The following SEMA5A variants were observed in gnomAD, a reference collection of about 807,000 sequenced individuals.
SEMA5A encodes the protein semaphorin-5A.
SEMA5A carries 55 observed loss-of-function variants against 135.5 expected under a neutral mutation model. That is an observed-to-expected ratio of 0.41 (90% CI 0.33 to 0.51). SEMA5A has a LOEUF of 0.51. Among genes scored for constraint, SEMA5A ranks in the 20% least tolerant of loss-of-function variants. The pLI, the probability that SEMA5A is intolerant of heterozygous loss-of-function variation, is 0.37. For synonymous variants in SEMA5A, 580 were observed against 546.5 expected (o/e 1.06, Z -0.85); for missense variants, 1,290 against 1,419.9 (o/e 0.91, Z 1.47).
intron 16 of SEMA5A, among the ~76,000 whole-genome samples, chr5:9,071,736 A>C (rs756346670): frequency 6.6e-6 from 1 of 152,184 alleles, no homozygotes; most frequent in Non-Finnish European, 1.5e-5. Context: ...ATTACCCTTC[A>C]AGTCATCTCA....
intron 1 of SEMA5A, among the ~76,000 whole-genome samples, chr5:9,499,999 A>C (rs934671501): frequency 6.6e-6 from 1 of 152,198 alleles, no homozygotes; most frequent in African/African-American, 2.4e-5. Flanking sequence ...CAATAAGAAA[A>C]TATATGAGAT....
intron 2 of SEMA5A, among the ~76,000 whole-genome samples, chr5:9,420,691 C>T (rs1486834905): frequency 6.6e-6 from 1 of 152,126 alleles, no homozygotes; most frequent in African/African-American, 2.4e-5. Flanking sequence ...TGTCACCAGG[C>T]CTCTGCTATG....
Position 9,410,093 on chromosome 5 carries a change from A to C in SEMA5A, c.-78+27663T>G, listed in dbSNP as rs190329178. 1.6e-3 allele frequency among the ~76,000 whole-genome samples: 247 copies of C among 152,322 alleles called. 2 individuals are homozygous for C. Among genetic ancestry groups the C allele is most frequent in the African/African-American group, 5.7e-3 (235 of 41,564 alleles). The stretch of plus-strand genomic sequence containing the variant: ...TTTTTTTAGAGACAATTAAAAGTTA[A>C]CACAAAAGTTTTATTTCTCAGTACC... On this transcript the variant is annotated intron_variant, in intron 2 of 22. Transcript: ENST00000382496.
intron 16 of SEMA5A, among the ~76,000 whole-genome samples, chr5:9,084,264 C>T (rs1471999860): frequency 1.3e-5 from 2 of 152,098 alleles, no homozygotes; most frequent in Non-Finnish European, 2.9e-5. Context: ...ATGATGGTGG[C>T]CTTCCCAGAA....
intron 5 of SEMA5A, among the ~76,000 whole-genome samples, chr5:9,297,635 G>T (rs1751405599): frequency 6.6e-6 from 1 of 151,984 alleles, no homozygotes; most frequent in South Asian, 2.1e-4. Context: ...GCTCACTACA[G>T]CCTCAACCTC....
intron 5 of SEMA5A, among the ~76,000 whole-genome samples, chr5:9,274,885 A>T (rs577887920): frequency 1.3e-5 from 2 of 152,298 alleles, no homozygotes; most frequent in South Asian, 4.1e-4. Flanking sequence ...AGCAGGAAAG[A>T]TCTAAAATCA....
At chr5:9,046,322 G>C (rs910457999) in intron 21 of SEMA5A, among the ~76,000 whole-genome samples, 1 of 152,222 alleles carries the variant, frequency 6.6e-6, no homozygotes, top group Non-Finnish European at 1.5e-5. Context: ...TGGCTGCAGA[G>C]CAAGGCCTTT....
At chr5:9,212,520 A>G (rs1407093122) in intron 8 of SEMA5A, among the ~76,000 whole-genome samples, 1 of 152,238 alleles carries the variant, frequency 6.6e-6, no homozygotes, top group African/African-American at 2.4e-5. Flanking sequence ...TGCCTTTGAG[A>G]AATGACAATA....
chr5:9,068,996 A>C (rs1241500079), intron 16 of SEMA5A, among the ~76,000 whole-genome samples: 1 of 152,204 alleles, frequency 6.6e-6, no homozygotes, highest in African/African-American at 2.4e-5. Flanking sequence ...CAGGTCGCCC[A>C]GCAGCTAGTT....
intron 2 of SEMA5A, among the ~76,000 whole-genome samples, chr5:9,412,239 G>A (rs1379865002): frequency 2.0e-5 from 3 of 151,784 alleles, no homozygotes; most frequent in East Asian, 2.0e-4. Context: ...GTCTTATCAT[G>A]GGTTACAGAA....
At chr5:9,534,149 T>G (rs1049689923) in intron 1 of SEMA5A, among the ~76,000 whole-genome samples, 3 of 152,174 alleles carry the variant, frequency 2.0e-5, no homozygotes, top group African/African-American at 7.2e-5. Context: ...AAAAGTGCAA[T>G]TAAAGAATCC....
intron 6 of SEMA5A, among the ~76,000 whole-genome samples, chr5:9,236,349 C>G (rs1747907948): frequency 6.6e-6 from 1 of 152,184 alleles, no homozygotes; most frequent in Admixed American, 6.5e-5. Flanking sequence ...TCATGTAAGT[C>G]TGACTCCAGG....
chr5:9,521,723 A>C (rs940077006), intron 1 of SEMA5A, among the ~76,000 whole-genome samples: 3 of 152,214 alleles, frequency 2.0e-5, no homozygotes, highest in Non-Finnish European at 2.9e-5. Flanking sequence ...ACTACAAGGA[A>C]AACCTCCTTT....
chr5:9,535,287 C>A (rs960785375), intron 1 of SEMA5A, among the ~76,000 whole-genome samples: 1 of 152,224 alleles, frequency 6.6e-6, no homozygotes, highest in Non-Finnish European at 1.5e-5. Flanking sequence ...TGAATGATTT[C>A]TTTTCGCAAG....
chr5:9,120,095 T>C (rs3822763), intron 14 of SEMA5A, among the ~76,000 whole-genome samples: 25,653 of 151,974 alleles, frequency 0.17, 2,467 homozygotes, highest in East Asian at 0.32. Flanking sequence ...TTTAAAATTT[T>C]ATGTGTTAAA....
At chr5:9,507,124 T>C (rs1018384935) in intron 1 of SEMA5A, among the ~76,000 whole-genome samples, 2 of 152,352 alleles carry the variant, frequency 1.3e-5, no homozygotes, top group East Asian at 3.9e-4. Context: ...TGTGTTTCAT[T>C]GCAATTAGGT....
At chr5:9,176,985 C>T (rs1265682731) in intron 11 of SEMA5A, among the ~76,000 whole-genome samples, 1 of 152,176 alleles carries the variant, frequency 6.6e-6, no homozygotes, top group Non-Finnish European at 1.5e-5. Context: ...CCAGAATAAT[C>T]TAATTGAAAT....
intron 22 of SEMA5A, among the ~76,000 whole-genome samples, chr5:9,043,448 T>C (rs544940721): frequency 1.3e-5 from 2 of 152,312 alleles, no homozygotes; most frequent in East Asian, 3.9e-4. Context: ...ATCGGAGACC[T>C]TGATGGAACT....
chr5:9,317,790 G>T (rs972554114), intron 5 of SEMA5A, among the ~76,000 whole-genome samples: 1 of 152,104 alleles, frequency 6.6e-6, no homozygotes, highest in Non-Finnish European at 1.5e-5. Flanking sequence ...TTAAAGACTA[G>T]AGGGAAAAGT....
Sources: allele counts gnomAD v4.1 joint callset (sites outside exome capture counted in the v4.1 genomes callset), GRCh38; gene constraint gnomAD v4.1.1; transcripts MANE v1.5; gene names NCBI Gene and HGNC (gene_info 2026-07-23, HGNC 2026-07-21).